WDR20: variants seen among roughly 807,000 people sequenced by gnomAD.
WDR20 encodes WD repeat-containing protein 20.
WDR20 carries 3 observed loss-of-function variants against 38.7 expected under a neutral mutation model. The ratio of observed to expected loss-of-function variants is 0.08; its 90% CI spans 0.04 to 0.20. The LOEUF (loss-of-function observed/expected upper bound fraction) is 0.20, where lower values mean the gene tolerates loss of function less well. WDR20 is among the 10% of genes least tolerant of loss of function. The probability of loss-of-function intolerance (pLI) is 1.00; values close to 1 mark genes in which losing one functional copy is unlikely to be tolerated. For synonymous variants in WDR20, 298 were observed against 285.6 expected (o/e 1.04, Z -0.44); for missense variants, 559 against 727.7 (o/e 0.77, Z 2.67).
At chr14:102,183,353 CA>C (rs2152891591) in intron 1 of WDR20, among the ~76,000 whole-genome samples, 1 of 152,278 alleles carries the variant, frequency 6.6e-6, no homozygotes, top group Admixed American at 6.5e-5. Context: ...GCATTTTGGC[CA>C]CTTGTTTTAG....
downstream of WDR20, chr14:102,213,325 ACACTTTACAAATAAC>A: frequency 1.0e-6 from 1 of 985,466 alleles, no homozygotes; most frequent in South Asian, 4.7e-5. Flanking sequence ...GCAGGAGTAG[ACACTTTACAAATAAC>A]CAGTAGCCTT....
rs2062227804 is a variant in WDR20, at chr14:102,209,966, A to G, written c.*86A>G. The stretch of plus-strand genomic sequence containing the variant: ...GGGGTGTACAATGAATGTGAATGAC[A>G]CTTCTTATTCTTAATGTAAATCTCA... On this transcript the variant is annotated 3_prime_UTR_variant, in exon 3 of 3. Coordinates refer to ENST00000342702, the MANE Select transcript of WDR20 (RefSeq NM_144574.4). This position sits in a 1 kb window ranked among gnomAD's most constrained non-coding sequence, Gnocchi z 6.0. 2.1e-5 allele frequency: 32 copies of G among 1,496,624 alleles called. No homozygotes were observed. The Middle Eastern group carries it at 5.4e-4, about 25-fold the overall frequency. The allele number at this position is 1,496,624 out of a possible 1,614,324, so 92.7% of individuals were successfully genotyped here.
chr14:102,179,875 C>T (rs1384658843), intron 1 of WDR20, among the ~76,000 whole-genome samples: 2 of 151,252 alleles, frequency 1.3e-5, no homozygotes, highest in East Asian at 1.9e-4. Flanking sequence ...ACAGTTACGT[C>T]GGGACGGTGG....
chr14:102,155,833 TG>T (rs960835105), intron 1 of WDR20, among the ~76,000 whole-genome samples: 29 of 151,660 alleles, frequency 1.9e-4, no homozygotes, highest in African/African-American at 6.8e-4. Flanking sequence ...TGGAGTGCAG[TG>T]GTGTGATGTG....
upstream of WDR20, chr14:102,139,666 T>A (rs563998051): frequency 6.1e-6 from 4 of 651,860 alleles, no homozygotes; most frequent in African/African-American, 3.7e-5. Flanking sequence ...GAAGCAGCCA[T>A]GCCGCCCGGA....
chr14:102,202,819 C>T (rs1201558513), intron 2 of WDR20, among the ~76,000 whole-genome samples: 1 of 152,188 alleles, frequency 6.6e-6, no homozygotes, highest in Non-Finnish European at 1.5e-5. Context: ...TCATAACTCA[C>T]TGCAGCCTTG....
chr14:102,202,595 T>C (rs1454857700), intron 2 of WDR20, among the ~76,000 whole-genome samples: 1 of 152,022 alleles, frequency 6.6e-6, no homozygotes, highest in Non-Finnish European at 1.5e-5. Context: ...TTGGCCAGGA[T>C]GGTCTCGATC....
chr14:102,174,340 A>T (rs771412789), intron 1 of WDR20, among the ~76,000 whole-genome samples: 11 of 152,114 alleles, frequency 7.2e-5, no homozygotes, highest in Non-Finnish European at 4.4e-5. Flanking sequence ...TAGCGGTTGT[A>T]CTAGTTTACA....
chr14:102,193,320 T>C lies in WDR20; in HGVS notation c.250-1618T>C, dbSNP rs114969435. 1,065 of 736,606 alleles carry C rather than the reference T, an allele frequency of 1.4e-3. 12 individuals carry two copies. In the African/African-American group the frequency reaches 0.016, roughly 11 times the overall value. The allele number at this position is 736,606 out of a possible 1,614,324, so 45.6% of individuals were successfully genotyped here. The stretch of plus-strand genomic sequence containing the variant: ...GCACTCGGCTGAGCTGCCTTCAGCC[T>C]GCCTTGCTGTACAGCGGCCGCTCCC... On this transcript the variant is annotated intron_variant, in intron 1 of 2. Transcript: ENST00000342702.
downstream of WDR20, among the ~76,000 whole-genome samples, chr14:102,211,739 C>T (rs996689441): frequency 6.6e-6 from 1 of 152,212 alleles, no homozygotes; most frequent in African/African-American, 2.4e-5. This position sits in a 1 kb window ranked among gnomAD's most constrained non-coding sequence, Gnocchi z 4.2. Flanking sequence ...GTGATGAACG[C>T]TCCATGTGCA....
chr14:102,192,953 A>G (rs1346120420), intron 1 of WDR20, among the ~76,000 whole-genome samples: 1 of 151,884 alleles, frequency 6.6e-6, no homozygotes, highest in East Asian at 1.9e-4. Flanking sequence ...GACTACAGGC[A>G]TGCACCACCA....
rs578127887 is a variant in WDR20 at position 102,207,985 on chromosome 14, G to A, written c.433-618G>A. On this transcript the variant is annotated intron_variant, in intron 2 of 2. Coordinates refer to ENST00000342702, the MANE Select transcript of WDR20 (RefSeq NM_144574.4). This position sits in a 1 kb window ranked among gnomAD's most constrained non-coding sequence, Gnocchi z 5.0. ...ATGCTTATGGAGATGCACGTGGGGC[G>A]GTGCATGGGAGTGAGGCGGCCTCAG... Among the ~76,000 whole-genome samples the A allele has an allele frequency of 1.7e-4, 26 of 152,300 alleles. No individual in the cohort carries two copies. Among genetic ancestry groups the A allele is most frequent in the African/African-American group, 4.6e-4 (19 of 41,574 alleles).
downstream of WDR20, among the ~76,000 whole-genome samples, chr14:102,215,582 G>T (rs1304148116): frequency 1.3e-5 from 2 of 152,136 alleles, no homozygotes; most frequent in African/African-American, 2.4e-5. Flanking sequence ...TTTAAGCCCC[G>T]CATGCATTAG....
intron 1 of WDR20, among the ~76,000 whole-genome samples, chr14:102,178,756 A>G (rs985152602): frequency 5.3e-5 from 8 of 152,018 alleles, no homozygotes; most frequent in East Asian, 1.9e-4. Context: ...TTTGTAGACT[A>G]TACTAATCAC....
intron 1 of WDR20, among the ~76,000 whole-genome samples, chr14:102,149,842 G>A (rs968214472): frequency 2.6e-5 from 4 of 152,074 alleles, no homozygotes; most frequent in Non-Finnish European, 4.4e-5. Flanking sequence ...GCAGGCACAT[G>A]CCACCACGCC....
At chr14:102,163,534 A>G (rs892409840) in intron 1 of WDR20, among the ~76,000 whole-genome samples, 20 of 149,352 alleles carry the variant, frequency 1.3e-4, no homozygotes, top group African/African-American at 4.8e-4. Flanking sequence ...AGGCTGAGGC[A>G]GGAGAATTGC....
intron 1 of WDR20, among the ~76,000 whole-genome samples, chr14:102,176,255 C>T (rs962679154): frequency 2.6e-5 from 4 of 151,838 alleles, no homozygotes; most frequent in Admixed American, 1.3e-4. Flanking sequence ...ATTAGCCGGG[C>T]GTGGTGGCAT....
upstream of WDR20, chr14:102,139,483 G>C: frequency 7.1e-7 from 1 of 1,409,234 alleles, no homozygotes; most frequent in Non-Finnish European, 9.4e-7. Flanking sequence ...CCGCTCTTTG[G>C]GGTCCCGGCG....
downstream of WDR20, among the ~76,000 whole-genome samples, chr14:102,219,605 G>A (rs984920913): frequency 1.3e-5 from 2 of 152,306 alleles, no homozygotes; most frequent in Non-Finnish European, 2.9e-5. Flanking sequence ...TTTCCCCTTT[G>A]CTCTGACGGG....
Sources: allele counts gnomAD v4.1 joint callset (sites outside exome capture counted in the v4.1 genomes callset), GRCh38; gene constraint gnomAD v4.1.1; non-coding constraint Gnocchi (gnomAD v3.1); transcripts MANE v1.5; gene names NCBI Gene and HGNC (gene_info 2026-07-23, HGNC 2026-07-21).